The following AGO1 variants were observed in gnomAD, a reference collection of about 807,000 sequenced individuals.
AGO1 encodes argonaute RISC component 1, also known as protein argonaute-1.
In AGO1, 11 loss-of-function variants were observed where a neutral mutation model predicts 109.2. The observed-to-expected ratio is 0.10, with a 90% confidence interval of 0.06 to 0.17. AGO1 has a LOEUF of 0.17. Ranked by LOEUF, AGO1 falls within the 10% of genes least tolerant of loss-of-function variation. The probability of loss-of-function intolerance (pLI) is 1.00; values close to 1 mark genes in which losing one functional copy is unlikely to be tolerated. For synonymous variants in AGO1, 422 were observed against 418.6 expected, an observed-to-expected ratio of 1.01 and a Z score of -0.10; for missense variants, 574 against 1,140.3, an observed-to-expected ratio of 0.50 and a Z score of 7.15.
At position 35,899,914 on chromosome 1, in the gene AGO1, A is replaced by G. The variant is rs1645385052; in HGVS notation, c.1021-1560A>G. Among the ~76,000 whole-genome samples, 4 of 152,322 alleles carry G rather than the reference A, an allele frequency of 2.6e-5. No homozygotes were observed. In the South Asian group the frequency reaches 8.3e-4, roughly 32 times the overall value. On this transcript the variant is annotated intron_variant, in intron 8 of 18. Transcript: ENST00000373204. ...GGTTAAGAGTCCTGTTTAAGGTAAC[A>G]TCACCTAGAAATGGCAAAGCTGGAC... is the stretch of plus-strand genomic sequence containing the variant.
chr1:35,900,700 C>G (rs1239214410), intron 8 of AGO1, among the ~76,000 whole-genome samples: 1 of 152,124 alleles, frequency 6.6e-6, no homozygotes, highest in Non-Finnish European at 1.5e-5. Flanking sequence ...GCACTTCAGC[C>G]TGGGCAAGAA....
At chr1:35,870,466 G>A (rs968785012) in intron 1 of AGO1, among the ~76,000 whole-genome samples, 2 of 152,040 alleles carry the variant, frequency 1.3e-5, no homozygotes, top group Non-Finnish European at 2.9e-5. Flanking sequence ...TGTATTTTTA[G>A]TAGAGACGGG....
At chr1:35,886,954 GTGTT>G (rs1415238812) in intron 1 of AGO1, among the ~76,000 whole-genome samples, 1 of 152,192 alleles carries the variant, frequency 6.6e-6, no homozygotes, top group Non-Finnish European at 1.5e-5. Flanking sequence ...GTCTAAGTGT[GTGTT>G]TGGATGTGTG....
Position 35,917,676 on chromosome 1 carries a change from G to A in AGO1, c.2112G>A (p.Val704=), listed in dbSNP as rs138262926. ...KDYQPGITYI[V]VQKRHHTRLF... ...ACCAGCCTGGGATCACTTATATTGTGGTGCAGAAACGCCATCACACCCGCC... is the reference window on the plus strand; with the variant it reads ...ACCAGCCTGGGATCACTTATATTGTAGTGCAGAAACGCCATCACACCCGCC... Residue 704 remains valine, a synonymous_variant, in exon 16 of 19, where the codon GTG becomes GTA. Transcript: ENST00000373204. 4.5e-4 allele frequency: 729 copies of A among 1,613,508 alleles called. No homozygotes were observed. The highest frequency in any genetic ancestry group is 1.6e-3 in the South Asian group (145 of 91,026).
chr1:35,885,579 GC>G (rs1180649324), intron 1 of AGO1, among the ~76,000 whole-genome samples: 1 of 152,180 alleles, frequency 6.6e-6, no homozygotes, highest in Non-Finnish European at 1.5e-5. Context: ...TCCCAAGGTG[GC>G]CTGAGGACAT....
rs1645419030 is a variant in AGO1, at chr1:35,901,703, T to G, written c.1140+110T>G. 3.7e-5 allele frequency: 57 copies of G among 1,542,366 alleles called. No homozygotes were observed. The highest frequency in any genetic ancestry group is 4.9e-5 in the Non-Finnish European group (55 of 1,133,708). Reference sequence around the variant, plus strand: ...AGAACCCAAGTCTAGATTTGTTGCCTAGGACTGTATAAGGCTGCTTTTGCT... The same window carrying G: ...AGAACCCAAGTCTAGATTTGTTGCCGAGGACTGTATAAGGCTGCTTTTGCT... On this transcript the variant is annotated intron_variant, in intron 9 of 18. Transcript: ENST00000373204. The surrounding 1 kb of genome is among the most constrained non-coding windows in gnomAD (Gnocchi z 4.8).
At chr1:35,896,824 A>T (rs751955862) in intron 8 of AGO1, among the ~76,000 whole-genome samples, 1 of 152,230 alleles carries the variant, frequency 6.6e-6, no homozygotes, top group Non-Finnish European at 1.5e-5. Flanking sequence ...ACTGATGCAC[A>T]TGAAGGCAAC....
At chr1:35,876,189 G>T (rs35791704) in intron 1 of AGO1, among the ~76,000 whole-genome samples, 6 of 152,130 alleles carry the variant, frequency 3.9e-5, no homozygotes, top group Non-Finnish European at 7.4e-5. Context: ...CAGAAGTGGA[G>T]CCTGAATATG....
At chr1:35,918,156 G>T (rs547634675) in intron 16 of AGO1, among the ~76,000 whole-genome samples, 166 bp from the exon 17 acceptor site, 1 of 152,308 alleles carries the variant, frequency 6.6e-6, no homozygotes, top group East Asian at 1.9e-4. Context: ...TTGAACACAG[G>T]TCTGTGTGAC....
Position 35,888,707 on chromosome 1 carries a change from C to A in AGO1, c.209+97C>A. On this transcript the variant is annotated intron_variant, in intron 2 of 18. Transcript: ENST00000373204. The surrounding 1 kb of genome is among the most constrained non-coding windows in gnomAD (Gnocchi z 4.1). ...GAAAAACCAGTAGAGGGTAGTATCA[C>A]CAAATCTAAGGAAGTTTTTGAACGG... The A allele has an allele frequency of 1.5e-6, 2 of 1,379,306 alleles. No individual in the cohort carries two copies. The highest frequency in any genetic ancestry group is 2.9e-5 in the South Asian group (2 of 69,248). The allele number at this position is 1,379,306 out of a possible 1,614,324, so 85.4% of individuals were successfully genotyped here. A position where few individuals can be genotyped will look rare whatever the true frequency, so the allele number is the denominator to read the frequency against.
At position 35,895,282 on chromosome 1, in the gene AGO1, A is replaced by C. The variant is rs757835113; in HGVS notation, c.1020+13A>C. On this transcript the variant is annotated intron_variant, in intron 8 of 18. Coordinates refer to ENST00000373204, the MANE Select transcript of AGO1 (RefSeq NM_012199.5). ...CCTTCCCCTAGAGGTGAGATTGCCA[A>C]GTAATGGCTGGGGAATAGGCATTGT... 1.9e-6 allele frequency: 3 copies of C among 1,610,428 alleles called. No homozygotes were observed. Among genetic ancestry groups the C allele is most frequent in the Non-Finnish European group, 2.5e-6 (3 of 1,177,862 alleles).
intron 2 of AGO1, among the ~76,000 whole-genome samples, chr1:35,890,760 A>G (rs942677566): frequency 6.6e-6 from 1 of 152,208 alleles, no homozygotes; most frequent in African/African-American, 2.4e-5. Context: ...ACTCCCATCA[A>G]TAAGGCATCA....
Position 35,901,401 on chromosome 1 carries a change from C to T in AGO1, c.1021-73C>T. 6.3e-7 allele frequency: 1 copy of T among 1,591,546 alleles called. No homozygotes were observed. Among genetic ancestry groups the T allele is most frequent in the East Asian group, 2.2e-5 (1 of 44,568 alleles). ...CATGGCTGACAGCCAAGGTATCTTT[C>T]CTTATTGTGGGGCTCTGGGTACAGG... On this transcript the variant is annotated intron_variant, in intron 8 of 18. Coordinates refer to ENST00000373204, the MANE Select transcript of AGO1 (RefSeq NM_012199.5). The surrounding 1 kb of genome is among the most constrained non-coding windows in gnomAD (Gnocchi z 4.8).
upstream of AGO1, among the ~76,000 whole-genome samples, chr1:35,881,114 T>C (rs781527412): frequency 2.0e-5 from 3 of 152,168 alleles, no homozygotes; most frequent in Non-Finnish European, 2.9e-5. Flanking sequence ...GCAGGGCCAA[T>C]ATTGAAACCG....
intron 8 of AGO1, among the ~76,000 whole-genome samples, chr1:35,899,399 C>T (rs1427044226): frequency 2.6e-5 from 4 of 152,148 alleles, no homozygotes; most frequent in Admixed American, 2.6e-4. Context: ...TTTTTGAGTA[C>T]ATACCCAGAA....
chr1:35,894,617 C>T (rs1388499526), intron 7 of AGO1, among the ~76,000 whole-genome samples: 1 of 152,172 alleles, frequency 6.6e-6, no homozygotes, highest in Non-Finnish European at 1.5e-5. Flanking sequence ...TTGATCTCCT[C>T]GCCTCTTTGG....
In AGO1 at chr1:35,919,317, C is replaced by A; in HGVS notation, c.2465+63C>A. The A allele has an allele frequency of 6.4e-7, 1 of 1,552,424 alleles. No individual in the cohort carries two copies. Among genetic ancestry groups the A allele is most frequent in the Non-Finnish European group, 8.7e-7 (1 of 1,143,728 alleles). The stretch of plus-strand genomic sequence containing the variant: ...AGCCTATTGTGCCAGATCTTCTTAA[C>A]TTTCCTTGGGTAGAAGGAAATGAGT... On this transcript the variant is annotated intron_variant, in intron 18 of 18. Coordinates refer to ENST00000373204, the MANE Select transcript of AGO1 (RefSeq NM_012199.5). The surrounding 1 kb of genome is among the most constrained non-coding windows in gnomAD (Gnocchi z 6.6).
rs1280830884 is a variant in AGO1, at chr1:35,883,915, C to T, written c.25+469C>T. 6.6e-6 allele frequency among the ~76,000 whole-genome samples: 1 copy of T among 152,226 alleles called. No homozygotes were observed. Among genetic ancestry groups the T allele is most frequent in the Non-Finnish European group, 1.5e-5 (1 of 68,030 alleles). On this transcript the variant is annotated intron_variant, in intron 1 of 18. Transcript: ENST00000373204. This position sits in a 1 kb window ranked among gnomAD's most constrained non-coding sequence, Gnocchi z 5.4. ...GGACTGTGAGCTCCGCCCCACTGGG[C>T]CTGACGCGAGGGCGAGGGTCAGGGG...
chr1:35,887,839 A>G (rs1203865298), intron 1 of AGO1, among the ~76,000 whole-genome samples: 1 of 151,842 alleles, frequency 6.6e-6, no homozygotes, highest in East Asian at 1.9e-4. Flanking sequence ...CTTAGTCTCC[A>G]AACTCTGTCC....
Sources: allele counts gnomAD v4.1 joint callset (sites outside exome capture counted in the v4.1 genomes callset), GRCh38; gene constraint gnomAD v4.1.1; non-coding constraint Gnocchi (gnomAD v3.1); transcripts MANE v1.5; gene names NCBI Gene and HGNC (gene_info 2026-07-23, HGNC 2026-07-21).